The following RBFOX3 variants were observed in gnomAD, a reference collection of about 807,000 sequenced individuals.
RBFOX3 encodes RNA binding protein fox-1 homolog 3.
RBFOX3 carries 17 observed loss-of-function variants against 48.7 expected under a neutral mutation model. The ratio of observed to expected loss-of-function variants is 0.35; its 90% CI spans 0.24 to 0.52. The LOEUF (loss-of-function observed/expected upper bound fraction) is 0.52, where lower values mean the gene tolerates loss of function less well. Ranked by LOEUF, RBFOX3 falls within the 20% of genes least tolerant of loss-of-function variation. The pLI is 0.94. For synonymous variants in RBFOX3, 212 were observed against 209.5 expected, an observed-to-expected ratio of 1.01 and a Z score of -0.10; for missense variants, 382 against 497.5, an observed-to-expected ratio of 0.77 and a Z score of 2.21.
chr17:79,560,911 A>C (rs2092170314), intron 1 of RBFOX3, among the ~76,000 whole-genome samples: 1 of 152,144 alleles, frequency 6.6e-6, no homozygotes, highest in African/African-American at 2.4e-5. Context: ...GGGAAACGGA[A>C]GCTCATGGGG....
At chr17:79,314,846 AG>A in intron 2 of RBFOX3, among the ~76,000 whole-genome samples, 1 of 151,974 alleles carries the variant, frequency 6.6e-6, no homozygotes, top group Non-Finnish European at 1.5e-5. Flanking sequence ...CTCTGGGTGT[AG>A]GGGAGGGGAA....
At chr17:79,521,064 G>A (rs896073625) in intron 1 of RBFOX3, among the ~76,000 whole-genome samples, 18,044 of 152,198 alleles carry the variant, frequency 0.12, 3,114 homozygotes, top group African/African-American at 0.38. Context: ...GGGAGGGGCC[G>A]GAAGACACGC....
Position 79,481,979 on chromosome 17 carries a change from A to C in RBFOX3, c.-175+475T>G, listed in dbSNP as rs2078846701. Among the ~76,000 whole-genome samples the C allele has an allele frequency of 6.6e-6, 1 of 152,026 alleles. No homozygotes were observed. ...GCGGTTAGTGTCAGAGCTGAACGGC[A>C]GTCACCCTCTCGGGGTGGGAACAGA... On this transcript the variant is annotated intron_variant, in intron 2 of 14. Coordinates refer to ENST00000693108, the MANE Select transcript of RBFOX3 (RefSeq NM_001350451.2). The surrounding 1 kb of genome is among the most constrained non-coding windows in gnomAD (Gnocchi z 5.4).
intron 4 of RBFOX3, among the ~76,000 whole-genome samples, chr17:79,127,951 G>A (rs1301117627): frequency 2.0e-5 from 3 of 152,366 alleles, no homozygotes; most frequent in Admixed American, 6.5e-5. Flanking sequence ...CGGGCAGGGA[G>A]CCCTGCTGTT....
At chr17:79,222,491 G>A (rs911680003) in intron 4 of RBFOX3, among the ~76,000 whole-genome samples, 1 of 152,230 alleles carries the variant, frequency 6.6e-6, no homozygotes, top group African/African-American at 2.4e-5. Context: ...GAGCTCTGGG[G>A]ACTCTGAGTT....
chr17:79,154,190 A>T (rs751285236), intron 4 of RBFOX3, among the ~76,000 whole-genome samples: 18 of 150,262 alleles, frequency 1.2e-4, no homozygotes, highest in Admixed American at 3.3e-4. Context: ...TTCTTCGAAC[A>T]CGCTAAGCTC....
chr17:79,310,459 T>G (rs1322575805), intron 2 of RBFOX3, among the ~76,000 whole-genome samples: 1 of 152,164 alleles, frequency 6.6e-6, no homozygotes, highest in African/African-American at 2.4e-5. Flanking sequence ...TAGACTTTTT[T>G]CTGCACTCCT....
At chr17:79,660,093 T>A in the RBFOX3 span, among the ~76,000 whole-genome samples, 127,576 of 152,120 alleles carry the variant, frequency 0.84, 54,545 homozygotes, top group Non-Finnish European at 0.93. Flanking sequence ...AGGCTGAGGC[T>A]GGAGAATCAC....
rs143854684 is a variant in RBFOX3, at chr17:79,249,689, G to A, written c.-73-13884C>T. On this transcript the variant is annotated intron_variant, in intron 3 of 14. Coordinates refer to ENST00000693108, the MANE Select transcript of RBFOX3 (RefSeq NM_001350451.2). The surrounding 1 kb of genome is among the most constrained non-coding windows in gnomAD (Gnocchi z 4.1). ...GCCCCAAAACCACTTCCCCTGCCTC[G>A]CCCGTTCCTTCCTAGGGAAACCACA... Among the ~76,000 whole-genome samples the A allele has an allele frequency of 8.3e-3, 1,197 of 144,518 alleles. 18 individuals carry two copies. The highest frequency in any genetic ancestry group is 0.027 in the African/African-American group (1,126 of 41,176). 94.8% of individuals were successfully genotyped at this position (144,518 alleles called of 152,430 possible). A position where few individuals can be genotyped will look rare whatever the true frequency, so the allele number is the denominator to read the frequency against.
intron 5 of RBFOX3, among the ~76,000 whole-genome samples, chr17:79,114,284 G>T (rs1199995862): frequency 6.6e-6 from 1 of 152,124 alleles, no homozygotes; most frequent in Admixed American, 6.5e-5. Flanking sequence ...TACCACCCTG[G>T]GGCCTGGCCT....
At chr17:79,661,795 G>T in the RBFOX3 span, among the ~76,000 whole-genome samples, 4 of 152,214 alleles carry the variant, frequency 2.6e-5, no homozygotes, top group African/African-American at 9.6e-5. Flanking sequence ...AGCCATTCCA[G>T]TGTCTAGATG....
intron 4 of RBFOX3, among the ~76,000 whole-genome samples, chr17:79,136,774 G>T (rs1369935807): frequency 1.3e-5 from 2 of 152,184 alleles, no homozygotes; most frequent in Non-Finnish European, 2.9e-5. Flanking sequence ...GCAGTGCCAG[G>T]CCAGCTCTCA....
In RBFOX3 at chr17:79,293,966, G is replaced by A. The variant is rs115257983; in HGVS notation, c.-74+13758C>T. Reference sequence around the variant, plus strand: ...CAGGGCCGAGAAAGAGCCTCGGCCAGCATGGGGTCAACTAGGGCAGGGGAA... The same window carrying A: ...CAGGGCCGAGAAAGAGCCTCGGCCAACATGGGGTCAACTAGGGCAGGGGAA... On this transcript the variant is annotated intron_variant, in intron 3 of 14. Coordinates refer to ENST00000693108, the MANE Select transcript of RBFOX3 (RefSeq NM_001350451.2). Among the ~76,000 whole-genome samples, 844 of 152,312 alleles carry A rather than the reference G, an allele frequency of 5.5e-3. 13 individuals are homozygous for A. The highest frequency in any genetic ancestry group is 0.02 in the African/African-American group (814 of 41,574).
rs151319194 is a variant in RBFOX3, at chr17:79,358,659, C to T, written c.-174-50835G>A. ...TATTTTTAGTAGAGAAGGGGTTTCA[C>T]CATGTTGGCCAGGCTGGTCTCGAAC... On this transcript the variant is annotated intron_variant, in intron 2 of 14. Transcript: ENST00000693108. Among the ~76,000 whole-genome samples, 18 of 152,156 alleles carry T rather than the reference C, an allele frequency of 1.2e-4. No individual in the cohort carries two copies. In the East Asian group the frequency reaches 3.3e-3, roughly 28 times the overall value.
At chr17:79,128,160 G>A (rs956458789) in intron 4 of RBFOX3, among the ~76,000 whole-genome samples, 1 of 152,202 alleles carries the variant, frequency 6.6e-6, no homozygotes, top group Non-Finnish European at 1.5e-5. Flanking sequence ...TCCATGCTCA[G>A]GGGTCCCCCA....
At position 79,318,854 on chromosome 17, in the gene RBFOX3, C is replaced by CAAAAA. The variant is rs71161660; in HGVS notation, c.-174-11035_-174-11031dup. 9.2e-4 allele frequency among the ~76,000 whole-genome samples: 30 copies of CAAAAA among 32,522 alleles called. 5 individuals carry two copies. Among genetic ancestry groups the CAAAAA allele is most frequent in the South Asian group, 7.1e-3 (4 of 562 alleles). 21.3% of individuals were successfully genotyped at this position (32,522 alleles called of 152,430 possible). ...TGGGTGACAGAGCGAGACTCCATCT[C>CAAAAA]AAAAAAAAAAAAAAAAAAAAAAAAA... On this transcript the variant is annotated intron_variant, in intron 2 of 14. Coordinates refer to ENST00000693108, the MANE Select transcript of RBFOX3 (RefSeq NM_001350451.2).
rs548621165 is a variant in RBFOX3 at position 79,374,417 on chromosome 17, G to A, written c.-174-66593C>T. On this transcript the variant is annotated intron_variant, in intron 2 of 14. Transcript: ENST00000693108. Reference sequence around the variant, plus strand: ...GAGCCTTTCTTCTTTGGAAAGGACCGGCTTTCCATGCAGAAACAGGATCTG... The same window carrying A: ...GAGCCTTTCTTCTTTGGAAAGGACCAGCTTTCCATGCAGAAACAGGATCTG... Among the ~76,000 whole-genome samples, 16 of 152,320 alleles carry A rather than the reference G, an allele frequency of 1.1e-4. No homozygotes were observed. The East Asian group carries it at 2.7e-3, about 26-fold the overall frequency.
At chr17:79,318,879 A>AAAAAAAAAAAAAAAAAC in intron 2 of RBFOX3, among the ~76,000 whole-genome samples, 1 of 128,694 alleles carries the variant, frequency 7.8e-6, no homozygotes, top group Non-Finnish European at 1.7e-5. Flanking sequence ...AAAAAAAAAA[A>AAAAAAAAAAAAAAAAAC]AGGGATGGAG....
At chr17:79,372,001 C>G (rs1243709778) in intron 2 of RBFOX3, among the ~76,000 whole-genome samples, 1 of 152,118 alleles carries the variant, frequency 6.6e-6, no homozygotes, top group Non-Finnish European at 1.5e-5. Flanking sequence ...GAGACCCTCC[C>G]CGCAGACGCT....
Sources: gnomAD v4.1 joint callset for allele counts (sites outside exome capture counted in the v4.1 genomes callset) on GRCh38, gnomAD v4.1.1 for gene constraint, Gnocchi (gnomAD v3.1) non-coding constraint, MANE v1.5 for transcripts, NCBI Gene and HGNC (gene_info 2026-07-23, HGNC 2026-07-21) for gene names.